Variants in PDZRN4 observed in about 807,000 individuals in gnomAD.
PDZRN4 encodes the protein PDZ domain containing ring finger 4, also known as PDZ domain-containing RING finger protein 4.
In PDZRN4, 70 loss-of-function variants were observed where a neutral mutation model predicts 99.0. The observed-to-expected ratio is 0.71, with a 90% CI of 0.58 to 0.86. The LOEUF (loss-of-function observed/expected upper bound fraction) is 0.86. PDZRN4 is among the 40% of genes least tolerant of loss of function. The pLI, the probability that PDZRN4 is intolerant of heterozygous loss-of-function variation, is 0.00. For synonymous variants in PDZRN4, 551 were observed against 501.6 expected (o/e 1.10, Z -1.32); for missense variants, 1,474 against 1,331.2 (o/e 1.11, Z -1.67).
chr12:41,316,837 A>G (rs1302229195), intron 3 of PDZRN4, among the ~76,000 whole-genome samples: 1 of 151,560 alleles, frequency 6.6e-6, no homozygotes, highest in Non-Finnish European at 1.5e-5. Context: ...TATTTGCCAG[A>G]ACACCTGGCC....
At chr12:41,362,652 T>C (rs1361534943) in intron 3 of PDZRN4, among the ~76,000 whole-genome samples, 2 of 152,038 alleles carry the variant, frequency 1.3e-5, no homozygotes, top group Non-Finnish European at 2.9e-5. Context: ...TCCTGCACAT[T>C]GTCAAGGAGA....
intron 5 of PDZRN4, among the ~76,000 whole-genome samples, chr12:41,550,022 C>T (rs1939024941): frequency 6.6e-6 from 1 of 152,128 alleles, no homozygotes; most frequent in Admixed American, 6.6e-5. Context: ...ACCTTAGTCT[C>T]CTTTCCTCTG....
intron 3 of PDZRN4, among the ~76,000 whole-genome samples, chr12:41,306,450 C>T (rs1951570053): frequency 6.6e-6 from 1 of 152,192 alleles, no homozygotes; most frequent in African/African-American, 2.4e-5. Context: ...AGAAGTCTGA[C>T]AGCCATCCTT....
At chr12:41,511,827 A>G (rs893364272) in intron 5 of PDZRN4, among the ~76,000 whole-genome samples, 1 of 152,154 alleles carries the variant, frequency 6.6e-6, no homozygotes, top group African/African-American at 2.4e-5. Context: ...GGTGGACACC[A>G]TTAGGCTCAT....
intron 3 of PDZRN4, among the ~76,000 whole-genome samples, chr12:41,285,399 T>C (rs1250176635): frequency 6.6e-6 from 1 of 152,182 alleles, no homozygotes; most frequent in African/African-American, 2.4e-5. Context: ...ACTTTTACAC[T>C]GTTGACGAGA....
At chr12:41,355,678 AG>A (rs1951922514) in intron 3 of PDZRN4, among the ~76,000 whole-genome samples, 1 of 152,104 alleles carries the variant, frequency 6.6e-6, no homozygotes, top group Admixed American at 6.6e-5. Context: ...TAGTCTTGTA[AG>A]CAGACAGCTG....
At chr12:41,527,103 C>T (rs761558377) in intron 5 of PDZRN4, among the ~76,000 whole-genome samples, 7 of 152,146 alleles carry the variant, frequency 4.6e-5, no homozygotes, top group Non-Finnish European at 4.4e-5. Flanking sequence ...AGATGTGGTA[C>T]AGAGAAGTCA....
At chr12:41,316,456 ATGTGTG>A (rs71081722) in intron 3 of PDZRN4, among the ~76,000 whole-genome samples, 12,267 of 144,478 alleles carry the variant, frequency 0.085, 532 homozygotes, top group South Asian at 0.12. Context: ...AAAAAGGCAA[ATGTGTG>A]TGTGTGTGTG....
intron 3 of PDZRN4, among the ~76,000 whole-genome samples, chr12:41,476,786 C>T (rs1373075384): frequency 5.3e-5 from 8 of 152,202 alleles, no homozygotes; most frequent in Admixed American, 3.9e-4. Context: ...GCCTGCCTGG[C>T]GGCCTCGATC....
chr12:41,301,090 A>T (rs2120930231), intron 3 of PDZRN4, among the ~76,000 whole-genome samples: 1 of 152,120 alleles, frequency 6.6e-6, no homozygotes, highest in Admixed American at 6.6e-5. Context: ...GTCCTTTGAC[A>T]GTTATTAGCT....
At chr12:41,215,857 T>A (rs1014488376) in intron 3 of PDZRN4, among the ~76,000 whole-genome samples, 1 of 151,728 alleles carries the variant, frequency 6.6e-6, no homozygotes, top group African/African-American at 2.4e-5. Context: ...CATAGTTTTT[T>A]TTTTTAATCT....
intron 3 of PDZRN4, among the ~76,000 whole-genome samples, chr12:41,498,968 A>G (rs1030815518): frequency 9.2e-5 from 14 of 152,114 alleles, no homozygotes; most frequent in Non-Finnish European, 1.9e-4. Context: ...CCAGAAGAAA[A>G]CAAATAGCAT....
At chr12:41,513,965 T>C (rs1238128437) in intron 5 of PDZRN4, among the ~76,000 whole-genome samples, 1 of 152,054 alleles carries the variant, frequency 6.6e-6, no homozygotes, top group Non-Finnish European at 1.5e-5. Context: ...CCTGCAGATT[T>C]TTATCACTTA....
intron 3 of PDZRN4, among the ~76,000 whole-genome samples, chr12:41,301,371 CTG>C (rs1040689020): frequency 6.6e-6 from 1 of 151,910 alleles, no homozygotes; most frequent in Non-Finnish European, 1.5e-5. Context: ...AGTGGAATAA[CTG>C]TATTATTGCC....
chr12:41,229,178 G>C (rs537120979), intron 3 of PDZRN4, among the ~76,000 whole-genome samples: 2 of 150,692 alleles, frequency 1.3e-5, no homozygotes, highest in Admixed American at 1.3e-4. Context: ...GATCTGTCTC[G>C]GGTTATCAGT....
chr12:41,541,290 G>C (rs1938850362), intron 5 of PDZRN4, among the ~76,000 whole-genome samples: 1 of 151,732 alleles, frequency 6.6e-6, no homozygotes, highest in South Asian at 2.1e-4. Flanking sequence ...CCTCTCAAGG[G>C]CTAAGCAGTG....
intron 5 of PDZRN4, among the ~76,000 whole-genome samples, chr12:41,552,294 C>A (rs1399025171): frequency 6.6e-6 from 1 of 152,050 alleles, no homozygotes; most frequent in Non-Finnish European, 1.5e-5. Flanking sequence ...TTTTTATGAA[C>A]ATTTTGCCAC....
At chr12:41,459,349 T>C (rs1264455619) in intron 3 of PDZRN4, among the ~76,000 whole-genome samples, 2 of 152,196 alleles carry the variant, frequency 1.3e-5, no homozygotes, top group Admixed American at 6.5e-5. Flanking sequence ...TGTGTTTTCA[T>C]GTGGAAGTTA....
At chr12:41,211,450 C>T (rs949232767) in intron 3 of PDZRN4, among the ~76,000 whole-genome samples, 1 of 151,806 alleles carries the variant, frequency 6.6e-6, no homozygotes, top group South Asian at 2.1e-4. Flanking sequence ...TACAGAAAGC[C>T]TTGTGAATAG....
Sources: gnomAD v4.1 joint callset for allele counts (sites outside exome capture counted in the v4.1 genomes callset) on GRCh38, gnomAD v4.1.1 for gene constraint, MANE v1.5 for transcripts, NCBI Gene and HGNC (gene_info 2026-07-23, HGNC 2026-07-21) for gene names.